The following TRIM49 variants were observed in gnomAD, a reference collection of about 807,000 sequenced individuals.
TRIM49 encodes the protein tripartite motif containing 49.
Under a neutral mutation model 27.4 loss-of-function variants are expected in TRIM49, and 5 were observed. The observed-to-expected ratio is 0.18, with a 90% CI of 0.10 to 0.38. The LOEUF (loss-of-function observed/expected upper bound fraction) is 0.38, where lower values mean the gene tolerates loss of function less well. TRIM49 is among the 10% of genes least tolerant of loss of function. The pLI is 1.00. For synonymous variants in TRIM49, 69 were observed against 166.0 expected (o/e 0.42, Z 4.49); for missense variants, 188 against 487.5 (o/e 0.39, Z 5.79).
chr11:89,804,864 C>T (rs566284625), intron 2 of TRIM49, among the ~76,000 whole-genome samples: 142 of 151,318 alleles, frequency 9.4e-4, no homozygotes, highest in African/African-American at 3.4e-3. Context: ...AAAAACTACC[C>T]GGGCCAAAGA....
At chr11:89,776,824 T>C in the TRIM49 span, among the ~76,000 whole-genome samples, 3 of 151,148 alleles carry the variant, frequency 2.0e-5, no homozygotes, top group Non-Finnish European at 4.4e-5. Flanking sequence ...TTGCATTTAC[T>C]ATGTCTCAGT....
At chr11:89,770,382 G>A in the TRIM49 span, among the ~76,000 whole-genome samples, 1 of 134,338 alleles carries the variant, frequency 7.4e-6, no homozygotes. Context: ...TAGACAATGG[G>A]GGCAAATATG....
downstream of TRIM49, among the ~76,000 whole-genome samples, chr11:89,793,361 G>A (rs1463345269): frequency 2.0e-5 from 3 of 152,116 alleles, no homozygotes; most frequent in Non-Finnish European, 4.4e-5. Context: ...GAAAAAGAGG[G>A]AATCCTCCCT....
chr11:89,768,866 G>A, the TRIM49 span: 56 of 495,312 alleles, frequency 1.1e-4, 5 homozygotes, highest in Middle Eastern at 6.8e-4. Flanking sequence ...GAGAGAGAGA[G>A]AAAACGACTC....
intron 1 of TRIM49, among the ~76,000 whole-genome samples, chr11:89,807,741 G>A (rs946598271): frequency 6.0e-5 from 9 of 150,740 alleles, no homozygotes; most frequent in Admixed American, 3.9e-4. Context: ...TGACTCTGTA[G>A]CCCATGCTGT....
the TRIM49 span, among the ~76,000 whole-genome samples, chr11:89,785,753 C>G: frequency 7.0e-6 from 1 of 143,290 alleles, no homozygotes; most frequent in Admixed American, 6.8e-5. Context: ...CCCAATAATC[C>G]GAAAGTGATT....
chr11:89,803,810 A>C lies in TRIM49; in HGVS notation c.412-17T>G, dbSNP rs1234562203. ...AAGCTTCTCCTGCAAAAGAGCCATA[A>C]ATTGAAGCACCAGTGCAGACCATGA... On this transcript the variant is annotated splice_polypyrimidine_tract_variant and intron_variant, in intron 3 of 7. Coordinates refer to ENST00000329758, the MANE Select transcript of TRIM49 (RefSeq NM_020358.2). 1 of 1,196,630 alleles carries C rather than the reference A, an allele frequency of 8.4e-7. No individual in the cohort carries two copies. The allele number at this position is 1,196,630 out of a possible 1,614,324, so 74.1% of individuals were successfully genotyped here.
chr11:89,782,123 A>G, the TRIM49 span: 19 of 1,551,248 alleles, frequency 1.2e-5, no homozygotes, highest in South Asian at 2.1e-4. Flanking sequence ...AGCAGATACC[A>G]ATATCGTTAT....
chr11:89,777,177 C>T, the TRIM49 span: 1 of 1,548,914 alleles, frequency 6.5e-7, no homozygotes, highest in Non-Finnish European at 8.7e-7. Flanking sequence ...ACTTCAACAC[C>T]AATGTGGTAC....
In TRIM49 at chr11:89,798,353, A is replaced by G; in HGVS notation, c.1136T>C (p.Leu379Pro). 3.2e-6 allele frequency: 5 copies of G among 1,574,386 alleles called. No individual in the cohort carries two copies. The highest frequency in any genetic ancestry group is 4.3e-6 in the Non-Finnish European group (5 of 1,163,830). ...EKIDGKAGLF[L>P]LGCVKNDIQC... ...AATGTCATTCTTAACACACCCAAGAAGAAAGAGTCCCGCCTTTCCATCTAT... is the reference window on the plus strand; with the variant it reads ...AATGTCATTCTTAACACACCCAAGAGGAAAGAGTCCCGCCTTTCCATCTAT... The change falls in exon 8 of 8, where the codon CTT becomes CCT. Residue 379 changes from leucine to proline, a missense_variant. Physicochemically the swap from Leu to Pro is moderately conservative, Grantham distance 98. This residue lies in a region of TRIM49 where 94 missense variants were observed against 149.6 expected (regional missense o/e 0.63). Transcript: ENST00000329758.
chr11:89,775,925 A>G, the TRIM49 span, among the ~76,000 whole-genome samples: 1 of 149,604 alleles, frequency 6.7e-6, no homozygotes, highest in Non-Finnish European at 1.5e-5. Context: ...ATAATACCAT[A>G]GATACTAAGT....
the TRIM49 span, chr11:89,778,164 CAG>C: frequency 8.3e-6 from 4 of 481,556 alleles, no homozygotes; most frequent in Non-Finnish European, 1.5e-5. Context: ...GAATTGCAAA[CAG>C]AGAAGCCCAC....
chr11:89,769,416 T>C, the TRIM49 span, among the ~76,000 whole-genome samples: 1 of 136,990 alleles, frequency 7.3e-6, no homozygotes, highest in Non-Finnish European at 1.5e-5. Flanking sequence ...AGGAGTGTCA[T>C]GCCATGTTAG....
At chr11:89,776,687 C>T in the TRIM49 span, among the ~76,000 whole-genome samples, 13 of 152,130 alleles carry the variant, frequency 8.5e-5, no homozygotes, top group Non-Finnish European at 1.3e-4. Context: ...GATAGGTTTA[C>T]GTTACATGCA....
the TRIM49 span, among the ~76,000 whole-genome samples, chr11:89,792,505 C>T: frequency 6.6e-6 from 1 of 151,850 alleles, no homozygotes; most frequent in Non-Finnish European, 1.5e-5. Flanking sequence ...TAAAGCACTC[C>T]TCAGCAAATG....
At chr11:89,777,368 G>C in the TRIM49 span, 14 of 1,532,476 alleles carry the variant, frequency 9.1e-6, 1 homozygote, top group Non-Finnish European at 1.1e-5. Context: ...CAATAGGATG[G>C]GCTGCTGAGG....
the TRIM49 span, among the ~76,000 whole-genome samples, chr11:89,770,116 A>G: frequency 2.7e-4 from 29 of 108,260 alleles, no homozygotes; most frequent in African/African-American, 1.5e-3. Context: ...TGAAGCTTAA[A>G]AGTGTTGCTT....
intron 6 of TRIM49, among the ~76,000 whole-genome samples, chr11:89,800,444 C>A (rs1386380384): frequency 6.6e-6 from 1 of 151,684 alleles, no homozygotes; most frequent in East Asian, 1.9e-4. Context: ...GGCTTTCAAG[C>A]AATAAAACAA....
At chr11:89,773,188 C>T in the TRIM49 span, among the ~76,000 whole-genome samples, 151 of 133,378 alleles carry the variant, frequency 1.1e-3, no homozygotes, top group Non-Finnish European at 1.7e-3. Context: ...GAGACTGCGT[C>T]TCAAAAAAAA....
Sources: allele counts gnomAD v4.1 joint callset (sites outside exome capture counted in the v4.1 genomes callset), GRCh38; gene constraint gnomAD v4.1.1; regional missense constraint gnomAD v4.1.1; transcripts MANE v1.5; gene names NCBI Gene and HGNC (gene_info 2026-07-23, HGNC 2026-07-21).